Variants in GNG4 observed in about 807,000 individuals in gnomAD.
The protein encoded by GNG4 is guanine nucleotide-binding protein G(I)/G(S)/G(O) subunit gamma-4.
In GNG4, 4 loss-of-function variants were observed where a neutral mutation model predicts 5.8. That is an observed-to-expected ratio of 0.69 (90% CI 0.34 to 1.57). GNG4 has a LOEUF of 1.57. GNG4 is among the 40% of genes most tolerant of loss of function. GNG4 has a pLI of 0.06. For missense variants in GNG4, 96 were observed against 95.1 expected (o/e 1.01, Z -0.04); for synonymous variants, 29 against 32.9 (o/e 0.88, Z 0.41).
chr1:235,600,100 C>CTTTTTTTAT (rs1688222769), intron 1 of GNG4, among the ~76,000 whole-genome samples: 1 of 43,128 alleles, frequency 2.3e-5, no homozygotes, highest in Non-Finnish European at 4.1e-5. Flanking sequence ...CGGAAGAAAG[C>CTTTTTTTAT]TTTTTTTTTT....
chr1:235,597,588 CTGTGTGTGTGTG>C lies in GNG4; in HGVS notation c.-122-2089_-122-2078del, dbSNP rs386417904. 9.5e-3 allele frequency among the ~76,000 whole-genome samples: 709 copies of C among 74,248 alleles called. 20 individuals are homozygous for C. Among genetic ancestry groups the C allele is most frequent in the Middle Eastern group, 0.034 (4 of 116 alleles). 48.7% of individuals were successfully genotyped at this position (74,248 alleles called of 152,430 possible). ...TTTGTTTTTTTTTTTAACTTGTTTG[CTGTGTGTGTGTG>C]TGTGTGTGTGTGTGTGTGTGTGTGT... On this transcript the variant is annotated intron_variant, in intron 1 of 3. Coordinates refer to ENST00000391854, the MANE Select transcript of GNG4 (RefSeq NM_001098722.2).
chr1:235,566,339 G>T (rs558180619), intron 3 of GNG4: 1 of 156,238 alleles, frequency 6.4e-6, no homozygotes, highest in Admixed American at 6.5e-5. Context: ...TCAGATCAGC[G>T]GAGGCCTTAG....
chr1:235,601,327 T>C (rs1396933561), intron 1 of GNG4, among the ~76,000 whole-genome samples: 1 of 152,302 alleles, frequency 6.6e-6, no homozygotes, highest in South Asian at 2.1e-4. Context: ...GTGAGGTCTC[T>C]GCTCTCACAG....
At chr1:235,587,681 GT>G in intron 2 of GNG4, among the ~76,000 whole-genome samples, 1 of 96,440 alleles carries the variant, frequency 1.0e-5, no homozygotes, top group Non-Finnish European at 2.1e-5. Flanking sequence ...TGTGGGGTAT[GT>G]GTGCGAGTGT....
chr1:235,638,668 C>T (rs866005126), intron 1 of GNG4, among the ~76,000 whole-genome samples: 1 of 152,060 alleles, frequency 6.6e-6, no homozygotes, highest in Non-Finnish European at 1.5e-5. Context: ...CCCTCACCCC[C>T]CAACAGGGCT....
chr1:235,602,432 C>T (rs1688276161), intron 1 of GNG4, among the ~76,000 whole-genome samples: 1 of 152,156 alleles, frequency 6.6e-6, no homozygotes, highest in Non-Finnish European at 1.5e-5. Context: ...TGGAGCTGAG[C>T]GGCCCCGTTA....
At chr1:235,650,277 G>GACCGA (rs1558510142), upstream of GNG4, among the ~76,000 whole-genome samples, 1 of 11,736 alleles carries the variant, frequency 8.5e-5, no homozygotes. Context: ...GGGTCTGGGG[G>GACCGA]GCGCGGCGGG....
At chr1:235,627,232 T>C (rs1688835035) in intron 1 of GNG4, among the ~76,000 whole-genome samples, 2 of 151,952 alleles carry the variant, frequency 1.3e-5, no homozygotes, top group African/African-American at 4.8e-5. Context: ...TGTTTGTTTT[T>C]GTTTTTTTGA....
At chr1:235,563,494 TATTG>T (rs1211747647) in intron 3 of GNG4, among the ~76,000 whole-genome samples, 2 of 151,378 alleles carry the variant, frequency 1.3e-5, no homozygotes, top group African/African-American at 2.4e-5. Flanking sequence ...AATGAAGTTA[TATTG>T]ATTGATTCAC....
intron 1 of GNG4, among the ~76,000 whole-genome samples, chr1:235,607,489 C>T (rs552576799): frequency 2.6e-4 from 40 of 152,174 alleles, no homozygotes; most frequent in Non-Finnish European, 4.6e-4. Flanking sequence ...GGCCTACTCT[C>T]GGGAGGCAGC....
intron 3 of GNG4, among the ~76,000 whole-genome samples, chr1:235,571,908 G>A (rs1322214462): frequency 2.0e-5 from 3 of 152,126 alleles, no homozygotes; most frequent in African/African-American, 7.2e-5. Flanking sequence ...CAGGATCAGG[G>A]CTCACTGCAG....
intron 1 of GNG4, among the ~76,000 whole-genome samples, chr1:235,628,995 T>G (rs1012302306): frequency 8.0e-6 from 1 of 125,002 alleles, no homozygotes; most frequent in African/African-American, 4.6e-5. Flanking sequence ...TTGCTTGAAT[T>G]TTTTTTTTTT....
chr1:235,594,194 A>C (rs1409601346), intron 2 of GNG4, among the ~76,000 whole-genome samples: 1 of 152,106 alleles, frequency 6.6e-6, no homozygotes, highest in Non-Finnish European at 1.5e-5. Context: ...CTAGATACAG[A>C]GTGTCGATTG....
intron 1 of GNG4, among the ~76,000 whole-genome samples, chr1:235,626,309 AT>A (rs1688808332): frequency 6.6e-6 from 1 of 152,092 alleles, no homozygotes; most frequent in African/African-American, 2.4e-5. Context: ...GTTCTTTTGT[AT>A]TCTGAGTGAC....
At chr1:235,594,381 C>T (rs890967740) in intron 2 of GNG4, among the ~76,000 whole-genome samples, 3 of 152,232 alleles carry the variant, frequency 2.0e-5, no homozygotes, top group Non-Finnish European at 2.9e-5. Context: ...CCTAGTGGAT[C>T]CCATCTGGGG....
intron 3 of GNG4, among the ~76,000 whole-genome samples, chr1:235,580,709 G>T (rs2102938650): frequency 6.7e-6 from 1 of 149,156 alleles, no homozygotes; most frequent in Non-Finnish European, 1.5e-5. Flanking sequence ...TTTCCATTAT[G>T]GTCAGCACAG....
intron 1 of GNG4, among the ~76,000 whole-genome samples, chr1:235,633,547 G>A (rs1688975442): frequency 6.6e-6 from 1 of 152,160 alleles, no homozygotes; most frequent in Non-Finnish European, 1.5e-5. Context: ...GAGTGCAGTG[G>A]TGCAATCATA....
At chr1:235,608,295 C>T (rs1031269723) in intron 1 of GNG4, among the ~76,000 whole-genome samples, 9 of 152,090 alleles carry the variant, frequency 5.9e-5, no homozygotes, top group African/African-American at 2.2e-4. Flanking sequence ...TATCACTTAC[C>T]ATTTCCTTTT....
intron 1 of GNG4, among the ~76,000 whole-genome samples, chr1:235,606,518 G>A (rs1483920418): frequency 6.6e-6 from 1 of 152,188 alleles, no homozygotes; most frequent in Admixed American, 6.5e-5. Flanking sequence ...GGATGCTGGG[G>A]AGGGGGGAAA....
Sources: allele counts gnomAD v4.1 joint callset (sites outside exome capture counted in the v4.1 genomes callset), GRCh38; gene constraint gnomAD v4.1.1; transcripts MANE v1.5; gene names NCBI Gene and HGNC (gene_info 2026-07-23, HGNC 2026-07-21).